Variants in TRMT1L observed in about 807,000 individuals in gnomAD.
TRMT1L encodes tRNA methyltransferase 1L.
Under a neutral mutation model 81.6 loss-of-function variants are expected in TRMT1L, and 28 were observed. The ratio of observed to expected loss-of-function variants is 0.34; its 90% confidence interval spans 0.25 to 0.47. The LOEUF is 0.47. Among genes scored for constraint, TRMT1L ranks in the 20% least tolerant of loss-of-function variants. TRMT1L has a pLI of 1.00. For synonymous variants in TRMT1L, 301 were observed against 303.2 expected, an observed-to-expected ratio of 0.99 and a Z score of 0.07; for missense variants, 739 against 877.1, an observed-to-expected ratio of 0.84 and a Z score of 1.99.
intron 10 of TRMT1L, among the ~76,000 whole-genome samples, chr1:185,135,415 CAA>C (rs1196621264): frequency 1.6e-4 from 11 of 68,484 alleles, no homozygotes; most frequent in Non-Finnish European, 1.8e-4. Flanking sequence ...GACTCCGTCT[CAA>C]AAAAAAAAAA....
intron 1 of TRMT1L, among the ~76,000 whole-genome samples, chr1:185,153,666 CT>C (rs892101136): frequency 2.6e-5 from 4 of 151,792 alleles, no homozygotes; most frequent in African/African-American, 7.2e-5. Flanking sequence ...CTGTAACTTG[CT>C]TTTTTTTAAG....
chr1:185,120,118 T>G lies in TRMT1L; in HGVS notation c.2103A>C (p.Ser701=). Residue 701 remains serine, a synonymous_variant, in exon 15 of 15, where the codon TCA becomes TCC. Transcript: ENST00000367506. ...YSTPTYTGGQ[S]ESHVQSASED... is the part of the protein sequence containing the mutation. ...CAGATGCTGACTGGACATGGCTTTC[T>G]GACTGTCCTCCAGTGTAGGTGGGGG... is the stretch of plus-strand genomic sequence containing the variant. The G allele has an allele frequency of 6.2e-7, 1 of 1,614,036 alleles. No individual in the cohort carries two copies. Among genetic ancestry groups the G allele is most frequent in the African/African-American group, 1.3e-5 (1 of 75,034 alleles).
chr1:185,157,012 G>A (rs1053198736), upstream of TRMT1L: 35 of 402,958 alleles, frequency 8.7e-5, no homozygotes, highest in Non-Finnish European at 1.3e-4. Flanking sequence ...GGGTAAGAGG[G>A]TTCGGTTTCT....
chr1:185,121,779 T>C (rs1652505500), intron 13 of TRMT1L, among the ~76,000 whole-genome samples: 1 of 152,078 alleles, frequency 6.6e-6, no homozygotes. Context: ...TCTTCTTTTT[T>C]AAAAAATAAT....
chr1:185,120,810 T>C, intron 13 of TRMT1L: 1 of 192,354 alleles, frequency 5.2e-6, no homozygotes, highest in Non-Finnish European at 1.1e-5. Context: ...TTGTTGTTAA[T>C]ACTACACTAC....
intron 13 of TRMT1L, among the ~76,000 whole-genome samples, chr1:185,122,261 G>T (rs1652518465): frequency 6.6e-6 from 1 of 152,102 alleles, no homozygotes; most frequent in Admixed American, 6.6e-5. Context: ...ATCTTTGACA[G>T]AATGAATTAT....
Position 185,150,481 on chromosome 1 carries a change from C to A in TRMT1L, c.358G>T (p.Ala120Ser). The A allele has an allele frequency of 6.2e-7, 1 of 1,612,136 alleles. No individual in the cohort carries two copies. ...SDNLDAGNRQACPLCPKEKFR... is the reference protein window; with the variant it reads ...SDNLDAGNRQSCPLCPKEKFR... Reference sequence around the variant, plus strand: ...TTTTCCTTAGGGCACAATGGACAAGCCTGTCTGTTGCCTTAAAAAGAAAAA... The same window carrying A: ...TTTTCCTTAGGGCACAATGGACAAGACTGTCTGTTGCCTTAAAAAGAAAAA... The change falls in exon 3 of 15, where the codon GCT becomes TCT. Residue 120 changes from alanine (A) to serine (S), a missense_variant. This residue lies in a region of TRMT1L where 209 missense variants were observed against 165.4 expected (regional missense o/e 1.26). Transcript: ENST00000367506.
intron 4 of TRMT1L, among the ~76,000 whole-genome samples, chr1:185,146,860 C>A (rs967219384): frequency 6.6e-6 from 1 of 151,980 alleles, no homozygotes; most frequent in Non-Finnish European, 1.5e-5. Context: ...AGCTCCTATT[C>A]CATGACCGAA....
chr1:185,150,437 G>A lies in TRMT1L; in HGVS notation c.402C>T (p.Ser134=). The A allele has an allele frequency of 6.2e-7, 1 of 1,613,676 alleles. No homozygotes were observed. Among genetic ancestry groups the A allele is most frequent in the Non-Finnish European group, 8.5e-7 (1 of 1,179,848 alleles). ...CPKEKFRACN[S]HKLRRHLQNL... ...TCTGGAGGTGACGACGAAGCTTATG[G>A]CTATTACAAGCTCTGAATTTTTCCT... The change falls in exon 3 of 15, where the codon AGC becomes AGT. Residue 134 remains serine, a synonymous_variant. Transcript: ENST00000367506.
intron 2 of TRMT1L, among the ~76,000 whole-genome samples, chr1:185,150,833 G>A (rs947208566): frequency 6.6e-6 from 1 of 152,172 alleles, no homozygotes; most frequent in African/African-American, 2.4e-5. Flanking sequence ...ACAGCTGAAA[G>A]GACAGCAGTT....
At chr1:185,138,742 T>G (rs1261154144) in intron 9 of TRMT1L, among the ~76,000 whole-genome samples, 1 of 152,170 alleles carries the variant, frequency 6.6e-6, no homozygotes, top group Non-Finnish European at 1.5e-5. Flanking sequence ...ATCATTTTAT[T>G]CAAACTATAT....
At chr1:185,151,734 AAGTCT>A in intron 2 of TRMT1L, 86 bp downstream of exon 2, 1 of 803,936 alleles carries the variant, frequency 1.2e-6, no homozygotes, top group Non-Finnish European at 1.9e-6. Context: ...AAGAATAAAC[AAGTCT>A]ACTCTTACCA....
At chr1:185,143,499 A>G in intron 6 of TRMT1L, 63 bp from the exon 7 acceptor site, 14 of 1,450,614 alleles carry the variant, frequency 9.7e-6, no homozygotes, top group Middle Eastern at 1.8e-4. Context: ...ATTTTATTTC[A>G]TTTAAGAATA....
In TRMT1L at chr1:185,156,855, A is replaced by C; in HGVS notation, c.-143T>G. ...AGGGCGGGATGCGTGCAACAGACAA[A>C]AGATGAAGAACCAGTGACCAAATCC... On this transcript the variant is annotated 5_prime_UTR_variant, in exon 1 of 15. Transcript: ENST00000367506. The C allele has an allele frequency of 1.7e-6, 2 of 1,155,004 alleles. No homozygotes were observed. The highest frequency in any genetic ancestry group is 2.4e-6 in the Non-Finnish European group (2 of 844,452). The allele number at this position is 1,155,004 out of a possible 1,614,324, so 71.5% of individuals were successfully genotyped here. A position where few individuals can be genotyped will look rare whatever the true frequency, so the allele number is the denominator to read the frequency against.
chr1:185,150,922 A>G (rs1653327531), intron 2 of TRMT1L, among the ~76,000 whole-genome samples: 8 of 152,232 alleles, frequency 5.3e-5, no homozygotes, highest in Admixed American at 5.2e-4. Flanking sequence ...GGCAACAACA[A>G]AAACAGTTAA....
intron 13 of TRMT1L, among the ~76,000 whole-genome samples, chr1:185,123,001 T>C (rs1365922818): frequency 6.6e-6 from 1 of 152,214 alleles, no homozygotes; most frequent in East Asian, 1.9e-4. Flanking sequence ...ATATTCTTTA[T>C]AGTGTATCAT....
chr1:185,137,712 C>T lies in TRMT1L; in HGVS notation c.1407G>A (p.Leu469=). The T allele has an allele frequency of 6.2e-7, 1 of 1,614,140 alleles. No individual in the cohort carries two copies. The highest frequency in any genetic ancestry group is 1.3e-5 in the African/African-American group (1 of 75,052). ...TTTCATCTGCTGAAGTAGGTCCCCT[C>T]AAAACTCTCACAACTACCAACACAA... ...EHFVLVVVRV[L]RGPTSADETA... The change falls in exon 10 of 15, where the codon TTG becomes TTA. Residue 469 remains leucine (L), a synonymous_variant. Transcript: ENST00000367506.
intron 10 of TRMT1L, among the ~76,000 whole-genome samples, chr1:185,132,203 A>C (rs910197634): frequency 1.3e-5 from 2 of 151,828 alleles, no homozygotes; most frequent in Non-Finnish European, 2.9e-5. Flanking sequence ...TCAGAGCTGA[A>C]GAGCTCAAGT....
chr1:185,135,523 T>C (rs1652879422), intron 10 of TRMT1L, among the ~76,000 whole-genome samples: 3 of 151,072 alleles, frequency 2.0e-5, no homozygotes, highest in Admixed American at 2.0e-4. Context: ...TGAAAGTATA[T>C]AAGGGGAATA....
Sources: gnomAD v4.1 joint callset for allele counts (sites outside exome capture counted in the v4.1 genomes callset) on GRCh38, gnomAD v4.1.1 for gene constraint, gnomAD v4.1.1 regional missense constraint, MANE v1.5 for transcripts, NCBI Gene and HGNC (gene_info 2026-07-23, HGNC 2026-07-21) for gene names.